The following RXRA variants were observed in gnomAD, a reference collection of about 807,000 sequenced individuals.
RXRA encodes retinoid X receptor alpha.
In RXRA, 5 loss-of-function variants were observed where a neutral mutation model predicts 44.5. The observed-to-expected ratio is 0.11, with a 90% confidence interval of 0.06 to 0.24. The LOEUF (loss-of-function observed/expected upper bound fraction) is 0.24. RXRA is among the 10% of genes least tolerant of loss of function. The pLI is 1.00. For synonymous variants in RXRA, 291 were observed against 271.4 expected, an observed-to-expected ratio of 1.07 and a Z score of -0.71; for missense variants, 412 against 646.5, an observed-to-expected ratio of 0.64 and a Z score of 3.93.
intron 1 of RXRA, among the ~76,000 whole-genome samples, chr9:134,345,448 G>A (rs1283113958): frequency 1.3e-5 from 2 of 152,216 alleles, no homozygotes; most frequent in East Asian, 3.9e-4. Flanking sequence ...CTCGTGGAGG[G>A]TTCTGGAGTT....
intron 4 of RXRA, among the ~76,000 whole-genome samples, 155 bp downstream of exon 4, chr9:134,409,274 G>A (rs939695228): frequency 1.3e-5 from 2 of 152,176 alleles, no homozygotes; most frequent in East Asian, 1.9e-4. Context: ...GGCCCAGCGC[G>A]TGGGCACACG....
At chr9:134,337,809 G>T (rs988188461) in intron 1 of RXRA, among the ~76,000 whole-genome samples, 3 of 152,144 alleles carry the variant, frequency 2.0e-5, no homozygotes, top group African/African-American at 4.8e-5. Context: ...CCCTCTGGGG[G>T]GTCGCCCAGA....
chr9:134,375,951 C>CCTCT (rs796803467), intron 1 of RXRA, among the ~76,000 whole-genome samples: 1 of 144,892 alleles, frequency 6.9e-6, no homozygotes, highest in African/African-American at 2.6e-5. Flanking sequence ...TCCCTCCCTC[C>CCTCT]CTCTCTCTCT....
intron 1 of RXRA, among the ~76,000 whole-genome samples, chr9:134,350,159 G>C (rs1188572292): frequency 6.6e-6 from 1 of 152,134 alleles, no homozygotes; most frequent in African/African-American, 2.4e-5. Context: ...TAAACAGCCT[G>C]TCTGGGGCCG....
chr9:134,387,430 C>G (rs886188567), intron 1 of RXRA, among the ~76,000 whole-genome samples: 4 of 152,250 alleles, frequency 2.6e-5, no homozygotes, highest in African/African-American at 7.2e-5. Flanking sequence ...CAAACCAGAT[C>G]GGTCTGGCCA....
At chr9:134,398,308 C>T (rs1185609386) in intron 1 of RXRA, among the ~76,000 whole-genome samples, 1 of 152,178 alleles carries the variant, frequency 6.6e-6, no homozygotes, top group Non-Finnish European at 1.5e-5. Flanking sequence ...AGAATAACGC[C>T]TATGGTAGCC....
intron 1 of RXRA, among the ~76,000 whole-genome samples, chr9:134,339,245 G>A (rs912625618): frequency 1.3e-5 from 2 of 152,206 alleles, no homozygotes; most frequent in Non-Finnish European, 2.9e-5. Context: ...GGCGCCTCCC[G>A]CGCTGTTCCT....
intron 1 of RXRA, among the ~76,000 whole-genome samples, chr9:134,374,430 A>G (rs1436809238): frequency 6.6e-6 from 1 of 152,148 alleles, no homozygotes; most frequent in Non-Finnish European, 1.5e-5. Flanking sequence ...GGTGAATCGC[A>G]GGCCACCCTC....
rs761934751 is a variant in RXRA at position 134,433,818 on chromosome 9, C to G, written c.1136-284C>G. On this transcript the variant is annotated intron_variant, in intron 8 of 9. Coordinates refer to ENST00000481739, the MANE Select transcript of RXRA (RefSeq NM_002957.6). The surrounding 1 kb of genome is among the most constrained non-coding windows in gnomAD (Gnocchi z 4.2). The stretch of plus-strand genomic sequence containing the variant: ...CCTGACACTTTATCGATGGGGAAAC[C>G]GAGTCTCTGGAGGTCAAATAGTTGA... Among the ~76,000 whole-genome samples the G allele has an allele frequency of 6.6e-6, 1 of 152,164 alleles. No individual in the cohort carries two copies. The highest frequency in any genetic ancestry group is 1.5e-5 in the Non-Finnish European group (1 of 68,008).
chr9:134,401,492 C>T, intron 1 of RXRA, 140 bp from the exon 2 acceptor site: 1 of 1,325,628 alleles, frequency 7.5e-7, no homozygotes. Context: ...CGTCAGAGAG[C>T]TGTCGAGACC....
Position 134,417,093 on chromosome 9 carries a change from C to T in RXRA, c.611-65C>T, listed in dbSNP as rs1295067951. On this transcript the variant is annotated intron_variant, in intron 4 of 9. Transcript: ENST00000481739. This position sits in a 1 kb window ranked among gnomAD's most constrained non-coding sequence, Gnocchi z 6.1. Reference sequence around the variant, plus strand: ...GGGAGCTGGCACCACCCGGCCAGGACAGCCTTCCCTGGGAGCCACTGGCCG... The same window carrying T: ...GGGAGCTGGCACCACCCGGCCAGGATAGCCTTCCCTGGGAGCCACTGGCCG... The T allele has an allele frequency of 1.3e-6, 2 of 1,528,518 alleles. No homozygotes were observed. The highest frequency in any genetic ancestry group is 1.9e-5 in the Admixed American group (1 of 52,564). 94.7% of individuals were successfully genotyped at this position (1,528,518 alleles called of 1,614,324 possible). A position where few individuals can be genotyped will look rare whatever the true frequency, so the allele number is the denominator to read the frequency against.
In RXRA at chr9:134,436,901, C is replaced by A; in HGVS notation, c.*287C>A. 1 of 421,242 alleles carries A rather than the reference C, an allele frequency of 2.4e-6. No individual in the cohort carries two copies. Among genetic ancestry groups the A allele is most frequent in the Non-Finnish European group, 4.3e-6 (1 of 232,296 alleles). 26.1% of individuals were successfully genotyped at this position (421,242 alleles called of 1,614,324 possible). ...CCCACCGGGCTCTCAGGACACCCTG[C>A]CACACCCCACGGGGCTTGGGCGACT... is the stretch of plus-strand genomic sequence containing the variant. On this transcript the variant is annotated 3_prime_UTR_variant, in exon 10 of 10. Transcript: ENST00000481739.
intron 1 of RXRA, among the ~76,000 whole-genome samples, chr9:134,381,200 G>A (rs570101445): frequency 3.3e-5 from 5 of 152,298 alleles, no homozygotes; most frequent in African/African-American, 1.2e-4. Flanking sequence ...GGGAGATCTT[G>A]GAGCTGCAGA....
chr9:134,372,573 C>T (rs936856650), intron 1 of RXRA, among the ~76,000 whole-genome samples: 3 of 151,670 alleles, frequency 2.0e-5, no homozygotes, highest in African/African-American at 7.2e-5. Flanking sequence ...GAGGGCATCA[C>T]GGAGGCCTCC....
At chr9:134,356,798 G>A (rs1830289138) in intron 1 of RXRA, among the ~76,000 whole-genome samples, 1 of 152,190 alleles carries the variant, frequency 6.6e-6, no homozygotes, top group South Asian at 2.1e-4. Flanking sequence ...GTTGGGAAAG[G>A]GTGGTTTTCC....
In RXRA at chr9:134,425,938, T is replaced by C. The variant is rs555031716; in HGVS notation, c.911-3170T>C. Reference sequence around the variant, plus strand: ...CTCAGAGGTGAGACAGGAACGTGGCTGAGCCAGGTTGGAGCCCGAGGCCCC... The same window carrying C: ...CTCAGAGGTGAGACAGGAACGTGGCCGAGCCAGGTTGGAGCCCGAGGCCCC... On this transcript the variant is annotated intron_variant, in intron 6 of 9. Transcript: ENST00000481739. The C allele has an allele frequency of 4.1e-6, 4 of 985,406 alleles. No homozygotes were observed. In the South Asian group the frequency reaches 1.4e-4, roughly 35 times the overall value. 61.0% of individuals were successfully genotyped at this position (985,406 alleles called of 1,614,324 possible).
chr9:134,360,365 C>T (rs965096570), intron 1 of RXRA, among the ~76,000 whole-genome samples: 1 of 152,182 alleles, frequency 6.6e-6, no homozygotes, highest in African/African-American at 2.4e-5. Context: ...GTCACGGGAG[C>T]CTGCCGTGCC....
intron 1 of RXRA, among the ~76,000 whole-genome samples, chr9:134,398,542 G>A (rs1208302750): frequency 6.6e-6 from 1 of 152,178 alleles, no homozygotes; most frequent in Non-Finnish European, 1.5e-5. Context: ...CGGAGTCTGT[G>A]TAAACAGGAA....
At chr9:134,404,141 CAA>C (rs543229732) in intron 2 of RXRA, 2 of 152,262 alleles carry the variant, frequency 1.3e-5, no homozygotes, top group Non-Finnish European at 2.9e-5. Context: ...ACCACAACCG[CAA>C]AGTCAGAGTC....
Sources: allele counts gnomAD v4.1 joint callset (sites outside exome capture counted in the v4.1 genomes callset), GRCh38; gene constraint gnomAD v4.1.1; non-coding constraint Gnocchi (gnomAD v3.1); transcripts MANE v1.5; gene names NCBI Gene and HGNC (gene_info 2026-07-23, HGNC 2026-07-21).